The following FAT3 variants were observed in gnomAD, a reference collection of about 807,000 sequenced individuals.
FAT3 encodes the protein protocadherin Fat 3.
In FAT3, 95 loss-of-function variants were observed where a neutral mutation model predicts 310.2. The observed-to-expected ratio is 0.31, with a 90% CI of 0.26 to 0.36. FAT3 has a LOEUF of 0.36. FAT3 is among the 10% of genes least tolerant of loss of function. FAT3 has a pLI of 1.00. For synonymous variants in FAT3, 2,314 were observed against 2,192.9 expected (o/e 1.06, Z -1.54); for missense variants, 5,408 against 5,715.6 (o/e 0.95, Z 1.74).
At chr11:92,719,059 CA>C (rs1449302637) in intron 4 of FAT3, among the ~76,000 whole-genome samples, 2 of 152,146 alleles carry the variant, frequency 1.3e-5, no homozygotes, top group South Asian at 4.2e-4. Context: ...AATATTTTTA[CA>C]GTATTAGGTT....
chr11:92,600,397 TA>T (rs750398772), intron 3 of FAT3, among the ~76,000 whole-genome samples: 19 of 152,300 alleles, frequency 1.2e-4, no homozygotes, highest in Non-Finnish European at 2.5e-4. Context: ...AGAGAAGACT[TA>T]CGTTTCTACA....
intron 1 of FAT3, among the ~76,000 whole-genome samples, chr11:92,306,372 A>G (rs1435264112): frequency 2.0e-5 from 3 of 149,818 alleles, no homozygotes; most frequent in Non-Finnish European, 3.0e-5. Flanking sequence ...GTAGAGTCCT[A>G]GTGAAAGTAG....
At chr11:92,585,721 A>G (rs1939111713) in intron 3 of FAT3, among the ~76,000 whole-genome samples, 1 of 151,978 alleles carries the variant, frequency 6.6e-6, no homozygotes, top group South Asian at 2.1e-4. Context: ...AAACTCAGCA[A>G]GTCTGATTCC....
intron 12 of FAT3, among the ~76,000 whole-genome samples, chr11:92,809,270 C>A (rs146415360): frequency 1.1e-3 from 175 of 152,290 alleles, no homozygotes; most frequent in African/African-American, 3.9e-3. Flanking sequence ...CTTCCACAAT[C>A]CAGCAAGTTA....
intron 13 of FAT3, among the ~76,000 whole-genome samples, chr11:92,817,472 T>C (rs1335889852): frequency 1.3e-5 from 2 of 152,240 alleles, no homozygotes; most frequent in African/African-American, 4.8e-5. Context: ...CCCGAGTGTG[T>C]ATCTCAGCTG....
rs1407847403 is a variant in FAT3, at chr11:92,800,679, G to A, written c.7666G>A (p.Glu2556Lys). 6.2e-7 allele frequency: 1 copy of A among 1,613,820 alleles called. No individual in the cohort carries two copies. Among genetic ancestry groups the A allele is most frequent in the Admixed American group, 1.7e-5 (1 of 60,012 alleles). The change falls in exon 10 of 28, where the codon GAA becomes AAA. Residue 2556 changes from glutamate (E) to lysine (K), a missense_variant. Glu to Lys is a moderately conservative substitution (Grantham distance 56). Transcript: ENST00000525166. ...IDSNGQVITTERLDRENPLEG... is the reference protein window; with the variant it reads ...IDSNGQVITTKRLDRENPLEG... ...CAGCAATGGGCAGGTCATCACCACAGAAAGGCTAGACCGGGAAAACCCTCT... is the reference window on the plus strand; with the variant it reads ...CAGCAATGGGCAGGTCATCACCACAAAAAGGCTAGACCGGGAAAACCCTCT...
chr11:92,853,012 G>T (rs961119747), intron 19 of FAT3, among the ~76,000 whole-genome samples: 1 of 152,166 alleles, frequency 6.6e-6, no homozygotes, highest in Non-Finnish European at 1.5e-5. Context: ...GACACCTTTT[G>T]CCTGAGTATT....
intron 2 of FAT3, among the ~76,000 whole-genome samples, chr11:92,377,002 A>G (rs996077798): frequency 1.3e-5 from 2 of 152,200 alleles, no homozygotes; most frequent in Admixed American, 6.5e-5. Flanking sequence ...ATTCTCTTCA[A>G]TAGACATTAA....
chr11:92,804,013 C>A (rs1389961969), intron 10 of FAT3, among the ~76,000 whole-genome samples: 1 of 152,144 alleles, frequency 6.6e-6, no homozygotes, highest in Non-Finnish European at 1.5e-5. Context: ...TCAGTAGGAC[C>A]CCGATATTTG....
In FAT3 at chr11:92,801,344, A is replaced by T. The variant is rs755418916; in HGVS notation, c.8331A>T (p.Pro2777=). The T allele has an allele frequency of 1.9e-6, 3 of 1,614,020 alleles. No homozygotes were observed. In the Admixed American group the frequency reaches 5.0e-5, roughly 27 times the overall value. The change falls in exon 10 of 28, where the codon CCA becomes CCT. Residue 2777 remains proline, a synonymous_variant. Transcript: ENST00000525166. ...LDKRLDRETS[P]AFHFKVAATI... ...AACGCCTTGACCGTGAAACCAGCCCAGCTTTCCACTTTAAAGTAGCAGCCA... is the reference window on the plus strand; with the variant it reads ...AACGCCTTGACCGTGAAACCAGCCCTGCTTTCCACTTTAAAGTAGCAGCCA...
chr11:92,832,960 C>A (rs1331568974), intron 14 of FAT3, among the ~76,000 whole-genome samples: 1 of 152,186 alleles, frequency 6.6e-6, no homozygotes, highest in Non-Finnish European at 1.5e-5. Flanking sequence ...CTCACCACAT[C>A]CTTTTCCAAC....
At chr11:92,536,092 T>C (rs1245461031) in intron 3 of FAT3, among the ~76,000 whole-genome samples, 1 of 152,210 alleles carries the variant, frequency 6.6e-6, no homozygotes, top group East Asian at 1.9e-4. Flanking sequence ...TTGTCCTTTT[T>C]TGTCATCTTT....
chr11:92,883,267 C>T lies in FAT3; in HGVS notation c.12811C>T (p.Pro4271Ser), dbSNP rs774569185. 3.7e-6 allele frequency: 6 copies of T among 1,612,882 alleles called. No individual in the cohort carries two copies. The highest frequency in any genetic ancestry group is 1.7e-4 in the Middle Eastern group (1 of 6,056). ...AATGACCACGTTTCACCCTGAGTCG[C>T]CCCGCATCCTGACAGCCCGGCGGGG... ...QEMTTFHPES[P>S]RILTARRGVV... The change falls in exon 24 of 28, where the codon CCC becomes TCC. Residue 4271 changes from proline to serine, a missense_variant. Around this residue, in one of 5 missense-constraint regions of FAT3, gnomAD observed 649 missense variants for 666.2 expected, o/e 0.97. Transcript: ENST00000525166. The surrounding 1 kb of genome is among the most constrained non-coding windows in gnomAD (Gnocchi z 4.2).
chr11:92,228,889 TTTCC>T (rs1471238066), intron 1 of FAT3, among the ~76,000 whole-genome samples: 1 of 152,196 alleles, frequency 6.6e-6, no homozygotes, highest in African/African-American at 2.4e-5. Context: ...TTTTCTTTTT[TTTCC>T]TTCTGCAGGA....
chr11:92,647,585 T>A (rs895974387), intron 3 of FAT3, among the ~76,000 whole-genome samples: 2 of 152,208 alleles, frequency 1.3e-5, no homozygotes, highest in African/African-American at 4.8e-5. Context: ...ATAATTCTTA[T>A]AACATTTTTC....
intron 3 of FAT3, among the ~76,000 whole-genome samples, chr11:92,573,713 T>G (rs1938310715): frequency 6.6e-6 from 1 of 151,946 alleles, no homozygotes; most frequent in Non-Finnish European, 1.5e-5. Flanking sequence ...GCCACAGAAT[T>G]CCAAGGGTAG....
chr11:92,764,332 T>C (rs981844707), intron 5 of FAT3, among the ~76,000 whole-genome samples: 1 of 152,102 alleles, frequency 6.6e-6, no homozygotes, highest in African/African-American at 2.4e-5. Context: ...GCCCACTCTA[T>C]CTTGCTCCTG....
Position 92,844,593 on chromosome 11 carries a change from C to G in FAT3, c.11226C>G (p.Asn3742Lys). The change falls in exon 19 of 28, where the codon AAC (asparagine) becomes AAG (lysine). Residue 3742 changes from asparagine to lysine, a missense_variant. Transcript: ENST00000525166. ...IMRISAILEK[N>K]CSGLDCQEQH... ...GCATCTCAGCCATCTTGGAGAAGAA[C>G]TGCTCAGGGCTGGACTGTCAGGAAC... The G allele has an allele frequency of 6.2e-7, 1 of 1,613,910 alleles. No homozygotes were observed. The highest frequency in any genetic ancestry group is 8.5e-7 in the Non-Finnish European group (1 of 1,179,864).
chr11:92,753,323 C>G (rs375789772), intron 4 of FAT3, among the ~76,000 whole-genome samples: 13 of 152,238 alleles, frequency 8.5e-5, no homozygotes, highest in African/African-American at 3.1e-4. Context: ...TGAGAGGCTC[C>G]AAATAAGAAC....
Sources: gnomAD v4.1 joint callset for allele counts (sites outside exome capture counted in the v4.1 genomes callset) on GRCh38, gnomAD v4.1.1 for gene constraint, gnomAD v4.1.1 regional missense constraint, Gnocchi (gnomAD v3.1) non-coding constraint, MANE v1.5 for transcripts, NCBI Gene and HGNC (gene_info 2026-07-23, HGNC 2026-07-21) for gene names.